AFAP1: variants seen among roughly 807,000 people sequenced by gnomAD.
AFAP1 encodes actin filament-associated protein 1.
Under a neutral mutation model 93.9 loss-of-function variants are expected in AFAP1, and 75 were observed. That is an observed-to-expected ratio of 0.80 (90% CI 0.66 to 0.97). The LOEUF (loss-of-function observed/expected upper bound fraction) is 0.97. Ranked by LOEUF, AFAP1 falls within the 50% of genes least tolerant of loss-of-function variation. AFAP1 has a pLI of 0.00. For missense variants in AFAP1, 1,201 were observed against 1,050.8 expected, an observed-to-expected ratio of 1.14 and a Z score of -1.98; for synonymous variants, 517 against 430.7, an observed-to-expected ratio of 1.20 and a Z score of -2.48.
At chr4:7,896,597 C>T (rs1577342468) in intron 1 of AFAP1, among the ~76,000 whole-genome samples, 1 of 87,334 alleles carries the variant, frequency 1.1e-5, no homozygotes, top group Admixed American at 9.7e-5. Flanking sequence ...CCTCACTCCC[C>T]CCACACCCAG....
At chr4:7,843,819 C>T (rs1713356811) in intron 4 of AFAP1, 1 of 167,776 alleles carries the variant, frequency 6.0e-6, no homozygotes, top group African/African-American at 2.4e-5. Context: ...ATCTCTGACA[C>T]TCAATATGCA....
chr4:7,835,988 T>C (rs1446836323), intron 6 of AFAP1, among the ~76,000 whole-genome samples: 1 of 152,158 alleles, frequency 6.6e-6, no homozygotes, highest in African/African-American at 2.4e-5. Flanking sequence ...GGGAAAATGC[T>C]CCTTGGTAGT....
intron 1 of AFAP1, among the ~76,000 whole-genome samples, chr4:7,921,845 G>T (rs1023030628): frequency 1.3e-5 from 2 of 152,242 alleles, no homozygotes; most frequent in African/African-American, 4.8e-5. Context: ...AGACACATAG[G>T]CCGGGCGCGG....
At position 7,768,854 on chromosome 4, in the gene AFAP1, C is replaced by T. The variant is rs753040534; in HGVS notation, c.2408G>A (p.Arg803Gln). ...GACATCAGGGCTTACCTTGGCCTTCCGCAGCACATGCCCTCGGCAGGGGGA... is the reference window on the plus strand; with the variant it reads ...GACATCAGGGCTTACCTTGGCCTTCTGCAGCACATGCCCTCGGCAGGGGGA... Reference protein sequence around the residue: ...GSSPCRGHVLRKAKEWELKNG... With the variant: ...GSSPCRGHVLQKAKEWELKNG... Residue 803 changes from arginine to glutamine, a missense_variant, in exon 17 of 18, where the codon CGG (arginine) becomes CAG (glutamine). Arg to Gln is a conservative substitution (Grantham distance 43). Transcript: ENST00000420658. 27 of 1,598,250 alleles carry T rather than the reference C, an allele frequency of 1.7e-5. No homozygotes were observed. The highest frequency in any genetic ancestry group is 4.0e-5 in the African/African-American group (3 of 74,588).
Position 7,809,759 on chromosome 4 carries a change from C to G in AFAP1, c.909G>C (p.Lys303Asn), listed in dbSNP as rs370880049. Residue 303 changes from lysine to asparagine, a missense_variant, in exon 9 of 18, where the codon AAG becomes AAC. Physicochemically the swap from Lys to Asn is moderately conservative, Grantham distance 94. Transcript: ENST00000420658. ...CCTCTGATTTGGAACTTTTCTTCCT[C>G]TTCACTGTCAAGAGTAACAACAGCA... ...ITTCNGKEQV[K>N]RKKSSKSEAK... 9.3e-6 allele frequency: 15 copies of G among 1,612,696 alleles called. No individual in the cohort carries two copies. Among genetic ancestry groups the G allele is most frequent in the African/African-American group, 6.7e-5 (5 of 74,776 alleles).
At chr4:7,786,409 G>T (rs1717269343) in intron 11 of AFAP1, 98 bp from the exon 12 acceptor site, 2 of 982,072 alleles carry the variant, frequency 2.0e-6, no homozygotes, top group Non-Finnish European at 3.2e-6. Flanking sequence ...CCAAGGCTAT[G>T]TCAGAGGTCA....
In AFAP1 at chr4:7,761,523, CT is replaced by C. The variant is rs1577160019; in HGVS notation, c.*2241del. 6.6e-6 allele frequency: 1 copy of C among 152,382 alleles called. No individual in the cohort carries two copies. Among genetic ancestry groups the C allele is most frequent in the East Asian group, 1.9e-4 (1 of 5,176 alleles). The allele number at this position is 152,382 out of a possible 1,614,324, so 9.4% of individuals were successfully genotyped here. A position where few individuals can be genotyped will look rare whatever the true frequency, so the allele number is the denominator to read the frequency against. On this transcript the variant is annotated 3_prime_UTR_variant, in exon 18 of 18. Coordinates refer to ENST00000420658, the MANE Select transcript of AFAP1 (RefSeq NM_001134647.2). ...TAAGGCCCACGTGACACTTTGCGTGCTGCTCACACTTCACCTGCCAGCTCGC... is the reference window on the plus strand; with the variant it reads ...TAAGGCCCACGTGACACTTTGCGTGCGCTCACACTTCACCTGCCAGCTCGC...
At chr4:7,788,247 T>A (rs1717499626) in intron 11 of AFAP1, among the ~76,000 whole-genome samples, 1 of 152,216 alleles carries the variant, frequency 6.6e-6, no homozygotes, top group South Asian at 2.1e-4. Flanking sequence ...ATCCTGCGCT[T>A]CTGTGATCAC....
chr4:7,919,568 G>A (rs1365442789), intron 1 of AFAP1, among the ~76,000 whole-genome samples: 4 of 152,280 alleles, frequency 2.6e-5, no homozygotes, highest in African/African-American at 7.2e-5. Context: ...CAAGCCATGT[G>A]CGAAAGAGCT....
chr4:7,902,084 A>G (rs1719145470), intron 1 of AFAP1, among the ~76,000 whole-genome samples: 1 of 152,232 alleles, frequency 6.6e-6, no homozygotes, highest in Admixed American at 6.5e-5. Context: ...GGTGGAGCAA[A>G]TAACCTGCCA....
chr4:7,872,308 T>G (rs1458400455), intron 1 of AFAP1: 2 of 442,434 alleles, frequency 4.5e-6, no homozygotes, highest in South Asian at 4.7e-5. Context: ...AAAATTCAAC[T>G]GGGAGAAGCT....
chr4:7,886,653 A>C (rs1718157702), intron 1 of AFAP1, among the ~76,000 whole-genome samples: 1 of 152,230 alleles, frequency 6.6e-6, no homozygotes, highest in African/African-American at 2.4e-5. Context: ...TGGACATACA[A>C]GCCCTGATGG....
intron 10 of AFAP1, among the ~76,000 whole-genome samples, chr4:7,797,543 G>T (rs565102585): frequency 3.9e-5 from 6 of 152,334 alleles, no homozygotes; most frequent in African/African-American, 1.4e-4. Flanking sequence ...AAACCTGGGA[G>T]CCTTCTACAG....
At chr4:7,778,597 C>A in intron 14 of AFAP1, 165 bp downstream of exon 14, 2 of 694,570 alleles carry the variant, frequency 2.9e-6, no homozygotes, top group South Asian at 1.7e-5. Flanking sequence ...GGGTTGAAAT[C>A]GCCACTGTCC....
chr4:7,778,719 T>A, intron 14 of AFAP1, 43 bp downstream of exon 14: 1 of 1,582,390 alleles, frequency 6.3e-7, no homozygotes, highest in Non-Finnish European at 8.7e-7. Flanking sequence ...CTCCACCAAG[T>A]GCACTTGAAG....
intron 1 of AFAP1, among the ~76,000 whole-genome samples, chr4:7,916,201 G>C (rs17770936): frequency 0.097 from 14,787 of 152,270 alleles, 924 homozygotes; most frequent in South Asian, 0.14. Context: ...CCACAAAGGA[G>C]GTACCAACTG....
chr4:7,776,663 CCAGT>C (rs1237069229), intron 14 of AFAP1: 2 of 152,168 alleles, frequency 1.3e-5, no homozygotes, highest in Admixed American at 6.5e-5. Context: ...TGATCACTCC[CCAGT>C]CAATTTTCCC....
At chr4:7,814,453 G>A (rs996298139) in intron 8 of AFAP1, among the ~76,000 whole-genome samples, 20 of 152,176 alleles carry the variant, frequency 1.3e-4, no homozygotes, top group African/African-American at 3.9e-4. Flanking sequence ...ATATGTCCAC[G>A]CAAAAACCTG....
intron 17 of AFAP1, among the ~76,000 whole-genome samples, chr4:7,765,746 G>T (rs187573514): frequency 6.6e-6 from 1 of 152,322 alleles, no homozygotes; most frequent in East Asian, 1.9e-4. Flanking sequence ...AGGCACAGAC[G>T]CCAGGGCCAG....
Sources: allele counts gnomAD v4.1 joint callset (sites outside exome capture counted in the v4.1 genomes callset), GRCh38; gene constraint gnomAD v4.1.1; transcripts MANE v1.5; gene names NCBI Gene and HGNC (gene_info 2026-07-23, HGNC 2026-07-21).